Variants in DCUN1D4 observed in about 807,000 individuals in gnomAD.
DCUN1D4 encodes the protein defective in cullin neddylation 1 domain containing 4, also known as DCN1-like protein 4.
Under a neutral mutation model 47.9 loss-of-function variants are expected in DCUN1D4, and 22 were observed. That is an observed-to-expected ratio of 0.46 (90% CI 0.33 to 0.66). DCUN1D4 has a LOEUF of 0.66. Ranked by LOEUF, DCUN1D4 falls within the 30% of genes least tolerant of loss-of-function variation. The pLI, the probability that DCUN1D4 is intolerant of heterozygous loss-of-function variation, is 0.02. For synonymous variants in DCUN1D4, 121 were observed against 112.2 expected (o/e 1.08, Z -0.50); for missense variants, 301 against 340.8 (o/e 0.88, Z 0.92).
At chr4:51,847,037 C>T (rs541275630) in intron 1 of DCUN1D4, among the ~76,000 whole-genome samples, 2 of 152,248 alleles carry the variant, frequency 1.3e-5, no homozygotes, top group East Asian at 3.9e-4. Context: ...TGATCTCATG[C>T]CACTGCTAGC....
At chr4:51,899,190 T>C (rs1470357028) in intron 7 of DCUN1D4, 80 bp from the exon 8 acceptor site, 3 of 1,443,544 alleles carry the variant, frequency 2.1e-6, no homozygotes, top group Non-Finnish European at 2.7e-6. Flanking sequence ...TCCTTTGGTA[T>C]TGTGTTTATA....
intron 5 of DCUN1D4, among the ~76,000 whole-genome samples, chr4:51,885,696 A>G (rs1230579040): frequency 6.6e-6 from 1 of 152,186 alleles, no homozygotes; most frequent in Non-Finnish European, 1.5e-5. Flanking sequence ...AATAATGTAT[A>G]TAGCAGGCAC....
At position 51,916,067 on chromosome 4, in the gene DCUN1D4, A is replaced by G. The variant is rs1734295819; in HGVS notation, c.*2483A>G. ...CTAAGTTGCACAAAACTGAACAATC[A>G]TCAAGCACTTATTTACTGGCTAATG... On this transcript the variant is annotated 3_prime_UTR_variant, in exon 11 of 11. Transcript: ENST00000334635. 1.3e-5 allele frequency: 2 copies of G among 152,114 alleles called. No individual in the cohort carries two copies. Among genetic ancestry groups the G allele is most frequent in the South Asian group, 4.1e-4 (2 of 4,832 alleles). 9.4% of individuals were successfully genotyped at this position (152,114 alleles called of 1,614,324 possible).
At chr4:51,876,729 G>A (rs543177680) in intron 4 of DCUN1D4, among the ~76,000 whole-genome samples, 3 of 152,110 alleles carry the variant, frequency 2.0e-5, no homozygotes, top group Admixed American at 2.0e-4. Context: ...GGTATACATG[G>A]GTCTTCCAGG....
chr4:51,855,021 A>G (rs1723909777), intron 1 of DCUN1D4, among the ~76,000 whole-genome samples: 1 of 152,214 alleles, frequency 6.6e-6, no homozygotes, highest in Non-Finnish European at 1.5e-5. Flanking sequence ...GATAAGGGAT[A>G]CTCCAAAAGA....
At chr4:51,904,144 C>T (rs1235458225) in intron 8 of DCUN1D4, among the ~76,000 whole-genome samples, 1 of 151,926 alleles carries the variant, frequency 6.6e-6, no homozygotes, top group Non-Finnish European at 1.5e-5. Flanking sequence ...TTTTTAAGTG[C>T]ATAAATTACC....
intron 1 of DCUN1D4, chr4:51,843,672 G>C: frequency 8.0e-7 from 1 of 1,247,984 alleles, no homozygotes; most frequent in Non-Finnish European, 1.0e-6. Context: ...GGGAGCGAGC[G>C]AGCGAGCGGG....
chr4:51,863,085 A>G (rs1284818405), intron 1 of DCUN1D4, among the ~76,000 whole-genome samples: 1 of 152,200 alleles, frequency 6.6e-6, no homozygotes, highest in Non-Finnish European at 1.5e-5. Flanking sequence ...AGCTTACTTA[A>G]TTGTACCAGT....
chr4:51,905,980 G>A (rs985951537), intron 8 of DCUN1D4, among the ~76,000 whole-genome samples: 1 of 152,136 alleles, frequency 6.6e-6, no homozygotes, highest in Non-Finnish European at 1.5e-5. Flanking sequence ...TGCTAGAGAG[G>A]GAGAGAAAGG....
chr4:51,863,603 T>C, intron 2 of DCUN1D4, 67 bp from the exon 3 acceptor site: 1 of 1,584,556 alleles, frequency 6.3e-7, no homozygotes, highest in Non-Finnish European at 8.6e-7. Flanking sequence ...GATATTAGGA[T>C]ATCAGTTGTT....
intron 8 of DCUN1D4, 87 bp downstream of exon 8, chr4:51,899,465 A>C (rs1731767977): frequency 4.0e-6 from 6 of 1,487,272 alleles, no homozygotes; most frequent in Non-Finnish European, 5.3e-6. Context: ...TACATGCCAC[A>C]GCAAAAAAAC....
rs1727131237 is a variant in DCUN1D4, at chr4:51,872,940, A to G, written c.137-1331A>G. Among the ~76,000 whole-genome samples, 5 of 152,264 alleles carry G rather than the reference A, an allele frequency of 3.3e-5. No homozygotes were observed. In the South Asian group the frequency reaches 8.3e-4, roughly 25 times the overall value. On this transcript the variant is annotated intron_variant, in intron 3 of 10. Transcript: ENST00000334635. Reference sequence around the variant, plus strand: ...GTCTTTATTTCAGCAACACCCGAACACAACACTTGGCACCTAAGCACTTAG... The same window carrying G: ...GTCTTTATTTCAGCAACACCCGAACGCAACACTTGGCACCTAAGCACTTAG...
At chr4:51,912,644 G>A (rs56120046) in intron 9 of DCUN1D4, among the ~76,000 whole-genome samples, 3,394 of 152,246 alleles carry the variant, frequency 0.022, 60 homozygotes, top group Non-Finnish European at 0.036. Flanking sequence ...CAAATTTCTC[G>A]TCTAAGAGGA....
chr4:51,875,489 G>A (rs924611420), intron 4 of DCUN1D4, among the ~76,000 whole-genome samples: 1 of 152,026 alleles, frequency 6.6e-6, no homozygotes, highest in African/African-American at 2.4e-5. Context: ...TTCATTCTTG[G>A]CCTTTCTTTT....
At chr4:51,899,238 G>A in intron 7 of DCUN1D4, 32 bp from the exon 8 acceptor site, 1 of 1,552,348 alleles carries the variant, frequency 6.4e-7, no homozygotes, top group Admixed American at 2.2e-5. Flanking sequence ...AATGAACTCA[G>A]GTCATAATTT....
chr4:51,872,284 C>T (rs1423541339), intron 3 of DCUN1D4, among the ~76,000 whole-genome samples: 1 of 152,204 alleles, frequency 6.6e-6, no homozygotes, highest in African/African-American at 2.4e-5. Context: ...TAGGTTTCAG[C>T]TCTGATCATT....
chr4:51,870,574 G>A (rs1726729040), intron 3 of DCUN1D4, among the ~76,000 whole-genome samples: 1 of 151,756 alleles, frequency 6.6e-6, no homozygotes. Context: ...TATTTACTGA[G>A]AGTCTACCGT....
intron 5 of DCUN1D4, among the ~76,000 whole-genome samples, chr4:51,880,085 G>T (rs1346398047): frequency 6.6e-6 from 1 of 152,100 alleles, no homozygotes; most frequent in East Asian, 1.9e-4. Context: ...GCTATAGCTT[G>T]TCCATAGGGA....
In DCUN1D4 at chr4:51,916,744, CTAACT is replaced by C. The variant is rs1267466567; in HGVS notation, c.*3162_*3166del. The C allele has an allele frequency of 6.6e-6, 1 of 152,506 alleles. No homozygotes were observed. The highest frequency in any genetic ancestry group is 1.5e-5 in the Non-Finnish European group (1 of 67,996). The allele number at this position is 152,506 out of a possible 1,614,324, so 9.4% of individuals were successfully genotyped here. Reference sequence around the variant, plus strand: ...CTTAACTGAAATACTGTTATGCCACCTAACTTGAGTACAGCAAACTGGTTTTAGGT... The same window carrying C: ...CTTAACTGAAATACTGTTATGCCACCTGAGTACAGCAAACTGGTTTTAGGT... On this transcript the variant is annotated 3_prime_UTR_variant, in exon 11 of 11. Transcript: ENST00000334635.
Sources: allele counts gnomAD v4.1 joint callset (sites outside exome capture counted in the v4.1 genomes callset), GRCh38; gene constraint gnomAD v4.1.1; transcripts MANE v1.5; gene names NCBI Gene and HGNC (gene_info 2026-07-23, HGNC 2026-07-21).